Variants in TOM1L2 observed in about 807,000 individuals in gnomAD.
The protein encoded by TOM1L2 is target of myb1 like 2 membrane trafficking protein.
TOM1L2 carries 31 observed loss-of-function variants against 67.9 expected under a neutral mutation model. That is an observed-to-expected ratio of 0.46 (90% CI 0.34 to 0.62). The LOEUF (loss-of-function observed/expected upper bound fraction) is 0.62, where lower values mean the gene tolerates loss of function less well. Ranked by LOEUF, TOM1L2 falls within the 20% of genes least tolerant of loss-of-function variation. The probability of loss-of-function intolerance (pLI) is 0.01; values close to 1 mark genes in which losing one functional copy is unlikely to be tolerated. For missense variants in TOM1L2, 606 were observed against 663.5 expected, an observed-to-expected ratio of 0.91 and a Z score of 0.95; for synonymous variants, 256 against 254.0, an observed-to-expected ratio of 1.01 and a Z score of -0.07.
rs1275280637 is a variant in TOM1L2 at position 17,907,497 on chromosome 17, A to G, written c.87T>C (p.Asp29=). 2.5e-6 allele frequency: 4 copies of G among 1,613,936 alleles called. No individual in the cohort carries two copies. The highest frequency in any genetic ancestry group is 2.2e-5 in the East Asian group (1 of 44,890). Reference sequence around the variant, plus strand: ...CACAGATCTCCATATTCAACGTCCAATCCTCACTTTGCAGGGAGCCATCTG... The same window carrying G: ...CACAGATCTCCATATTCAACGTCCAGTCCTCACTTTGCAGGGAGCCATCTG... The part of the protein sequence containing the change: ...KATDGSLQSE[D]WTLNMEICDI... Residue 29 remains aspartate, a synonymous_variant, in exon 2 of 15, where the codon GAT becomes GAC. Coordinates refer to ENST00000379504, the MANE Select transcript of TOM1L2 (RefSeq NM_001082968.2).
At chr17:17,888,401 A>G (rs1034409583) in intron 4 of TOM1L2, among the ~76,000 whole-genome samples, 2 of 152,260 alleles carry the variant, frequency 1.3e-5, no homozygotes, top group African/African-American at 4.8e-5. Context: ...AAGTTTTGAC[A>G]AAGCTTTGAA....
chr17:17,877,899 A>C lies in TOM1L2; in HGVS notation c.777+1728T>G, dbSNP rs150494085. 7.8e-3 allele frequency among the ~76,000 whole-genome samples: 1,175 copies of C among 149,882 alleles called. 9 individuals are homozygous for C. Among genetic ancestry groups the C allele is most frequent in the African/African-American group, 0.027 (1,103 of 40,730 alleles). The stretch of plus-strand genomic sequence containing the variant: ...GTTTAAAAAAAAAAAAAAATCCCAA[A>C]CCCCCTCTCCCCCCAAAACACGAAG... On this transcript the variant is annotated intron_variant, in intron 7 of 14. Coordinates refer to ENST00000379504, the MANE Select transcript of TOM1L2 (RefSeq NM_001082968.2).
intron 14 of TOM1L2, among the ~76,000 whole-genome samples, 163 bp downstream of exon 14, chr17:17,848,660 G>A (rs931319729): frequency 2.0e-5 from 3 of 152,228 alleles, no homozygotes; most frequent in African/African-American, 4.8e-5. Context: ...CCAAATCAGC[G>A]TAAGACCTGG....
intron 13 of TOM1L2, 142 bp downstream of exon 13, chr17:17,850,751 A>G: frequency 1.2e-6 from 1 of 835,414 alleles, no homozygotes; most frequent in Non-Finnish European, 1.9e-6. Context: ...GAGGAGGGGC[A>G]GCTATGGAGC....
At chr17:17,848,964 T>C in intron 13 of TOM1L2, 105 bp from the exon 14 acceptor site, 1 of 1,106,096 alleles carries the variant, frequency 9.0e-7, no homozygotes, top group Non-Finnish European at 1.3e-6. Context: ...CTGCCCAGGG[T>C]AGCCTGAACA....
chr17:17,881,862 A>G (rs942599917), intron 6 of TOM1L2, among the ~76,000 whole-genome samples: 1 of 152,206 alleles, frequency 6.6e-6, no homozygotes. Flanking sequence ...TGCTATCCCT[A>G]CACACACATT....
Position 17,871,941 on chromosome 17 carries a change from G to A in TOM1L2, c.778-2468C>T, listed in dbSNP as rs990937919. ...GCAGGGGACACTACTATCCAGTAAA[G>A]AGAAAACTCCACAAAATACCCACTC... On this transcript the variant is annotated intron_variant, in intron 7 of 14. Coordinates refer to ENST00000379504, the MANE Select transcript of TOM1L2 (RefSeq NM_001082968.2). 3.1e-6 allele frequency: 3 copies of A among 978,378 alleles called. No homozygotes were observed. The African/African-American group carries it at 5.3e-5, about 17-fold the overall frequency. 60.6% of individuals were successfully genotyped at this position (978,378 alleles called of 1,614,324 possible). A position where few individuals can be genotyped will look rare whatever the true frequency, so the allele number is the denominator to read the frequency against.
At chr17:17,913,501 C>A (rs1300029961) in intron 1 of TOM1L2, among the ~76,000 whole-genome samples, 2 of 152,046 alleles carry the variant, frequency 1.3e-5, no homozygotes, top group Non-Finnish European at 2.9e-5. Context: ...AATGGAAATT[C>A]TTTTATGAAG....
At chr17:17,857,708 G>A (rs1358467219) in intron 12 of TOM1L2, 3 of 1,389,168 alleles carry the variant, frequency 2.2e-6, no homozygotes, top group Non-Finnish European at 3.0e-6. Context: ...GAAGACATGA[G>A]CTGTTACACA....
In TOM1L2 at chr17:17,968,393, G is replaced by A. The variant is rs547779565; in HGVS notation, c.52+3869C>T. ...AAAGAACGTAGTCTTTGGGCCGGGCGCAATGGCTCACTCCTATAATCCTAG... is the reference window on the plus strand; with the variant it reads ...AAAGAACGTAGTCTTTGGGCCGGGCACAATGGCTCACTCCTATAATCCTAG... On this transcript the variant is annotated intron_variant, in intron 1 of 14. Coordinates refer to ENST00000379504, the MANE Select transcript of TOM1L2 (RefSeq NM_001082968.2). 7.9e-5 allele frequency among the ~76,000 whole-genome samples: 12 copies of A among 152,302 alleles called. No individual in the cohort carries two copies. The South Asian group carries it at 2.1e-3, about 26-fold the overall frequency.
chr17:17,866,840 C>T lies in TOM1L2; in HGVS notation c.960+36G>A, dbSNP rs754417052. 3 of 1,603,054 alleles carry T rather than the reference C, an allele frequency of 1.9e-6. No homozygotes were observed. In the South Asian group the frequency reaches 3.3e-5, roughly 18 times the overall value. The stretch of plus-strand genomic sequence containing the variant: ...CCAAAACGTGGAGGGGTAGGTCTGG[C>T]CTCAGGAGATGACAGGATTCTGAAG... On this transcript the variant is annotated intron_variant, in intron 9 of 14. Transcript: ENST00000379504.
intron 12 of TOM1L2, 67 bp downstream of exon 12, chr17:17,861,409 G>A: frequency 6.7e-7 from 1 of 1,500,628 alleles, no homozygotes; most frequent in Non-Finnish European, 9.3e-7. Context: ...TACCCAGCCA[G>A]CTTTGCCAAA....
At chr17:17,920,667 C>T (rs2039825759) in intron 1 of TOM1L2, among the ~76,000 whole-genome samples, 2 of 151,532 alleles carry the variant, frequency 1.3e-5, no homozygotes, top group South Asian at 4.2e-4. Context: ...CGGAGTATCA[C>T]CCTGTTGCCC....
At chr17:17,897,455 T>C (rs1365799313) in intron 3 of TOM1L2, among the ~76,000 whole-genome samples, 1 of 152,234 alleles carries the variant, frequency 6.6e-6, no homozygotes. Flanking sequence ...TAACCTACTA[T>C]TTCAAAGCCC....
At chr17:17,963,935 C>G (rs1232233879) in intron 1 of TOM1L2, among the ~76,000 whole-genome samples, 4 of 152,068 alleles carry the variant, frequency 2.6e-5, no homozygotes, top group Non-Finnish European at 4.4e-5. Flanking sequence ...ACCTGGAGGA[C>G]AAGTAATATT....
chr17:17,903,877 G>T (rs1446788984), intron 2 of TOM1L2, among the ~76,000 whole-genome samples: 1 of 152,020 alleles, frequency 6.6e-6, no homozygotes, highest in Admixed American at 6.6e-5. Context: ...AGTGAAAGAG[G>T]TGACGAGAAC....
chr17:17,866,308 G>A lies in TOM1L2; in HGVS notation c.1072C>T (p.Leu358Phe). 1 of 1,612,914 alleles carries A rather than the reference G, an allele frequency of 6.2e-7. No homozygotes were observed. Among genetic ancestry groups the A allele is most frequent in the Non-Finnish European group, 8.5e-7 (1 of 1,179,536 alleles). Residue 358 changes from leucine (L) to phenylalanine (F), a missense_variant, in exon 10 of 15, where the codon CTT becomes TTT. This residue lies in a region of TOM1L2 where 543 missense variants were observed against 554.0 expected (regional missense o/e 0.98). Transcript: ENST00000379504. ...GTGAGACACTCACCTAAGCCTGCAA[G>A]CTGGGAGGAGAGGGAAGATGGGGGC... is the stretch of plus-strand genomic sequence containing the variant. ...TAPPSSLSSQLAGLDLGTESV... is the reference protein window; with the variant it reads ...TAPPSSLSSQFAGLDLGTESV...
chr17:17,940,358 T>C (rs2040684626), intron 1 of TOM1L2, among the ~76,000 whole-genome samples: 1 of 152,042 alleles, frequency 6.6e-6, no homozygotes, highest in Non-Finnish European at 1.5e-5. Flanking sequence ...ATAAATACTA[T>C]TAGAATCATT....
In TOM1L2 at chr17:17,861,498, T is replaced by C. The variant is rs974715100; in HGVS notation, c.1256A>G (p.Asn419Ser). Residue 419 changes from asparagine (N) to serine (S), a missense_variant, in exon 12 of 15, where the codon AAT becomes AGT. By Grantham distance (46) the Asn-to-Ser change is conservative (BLOSUM62 1). Around this residue, in one of 2 missense-constraint regions of TOM1L2, gnomAD observed 543 missense variants for 554.0 expected, o/e 0.98. Transcript: ENST00000379504. Reference sequence around the variant, plus strand: ...TACCCCTTCTGAACTCTGTTTTCGATTGTCTAGTGCAGAAGCAAGTCCTCC... The same window carrying C: ...TACCCCTTCTGAACTCTGTTTTCGACTGTCTAGTGCAGAAGCAAGTCCTCC... ...AVGGLASALD[N>S]RKQSSEGIPV... 7.4e-6 allele frequency: 12 copies of C among 1,613,958 alleles called. No individual in the cohort carries two copies. Among genetic ancestry groups the C allele is most frequent in the African/African-American group, 1.3e-5 (1 of 74,920 alleles).
Sources: allele counts gnomAD v4.1 joint callset (sites outside exome capture counted in the v4.1 genomes callset), GRCh38; gene constraint gnomAD v4.1.1; regional missense constraint gnomAD v4.1.1; transcripts MANE v1.5; gene names NCBI Gene and HGNC (gene_info 2026-07-23, HGNC 2026-07-21).